The following WDR19 variants were observed in gnomAD, a reference collection of about 807,000 sequenced individuals.
WDR19 encodes the protein WD repeat domain 19.
In WDR19, 121 loss-of-function variants were observed where a neutral mutation model predicts 180.0. The observed-to-expected ratio is 0.67, with a 90% CI of 0.58 to 0.78. The LOEUF is 0.78. WDR19 is among the 30% of genes least tolerant of loss of function. The pLI is 0.00. For synonymous variants in WDR19, 497 were observed against 540.7 expected (o/e 0.92, Z 1.12); for missense variants, 1,450 against 1,640.7 (o/e 0.88, Z 2.01).
chr4:39,206,752 C>T (rs1577876373), intron 9 of WDR19, among the ~76,000 whole-genome samples: 1 of 152,196 alleles, frequency 6.6e-6, no homozygotes, highest in East Asian at 1.9e-4. Context: ...AGGTCTTATA[C>T]TAGCCACTGA....
intron 3 of WDR19, among the ~76,000 whole-genome samples, chr4:39,188,598 G>C (rs1370258167): frequency 1.4e-5 from 2 of 148,062 alleles, no homozygotes; most frequent in East Asian, 3.9e-4. Flanking sequence ...CAGCCTGGGC[G>C]GCAGAGCCAG....
chr4:39,186,703 C>A, intron 3 of WDR19, 99 bp downstream of exon 3: 1 of 805,766 alleles, frequency 1.2e-6, no homozygotes, highest in Non-Finnish European at 1.9e-6. Context: ...GAATCTTTTG[C>A]TTCTTCCATT....
chr4:39,248,000 A>G (rs974724095), intron 24 of WDR19, among the ~76,000 whole-genome samples: 1 of 152,226 alleles, frequency 6.6e-6, no homozygotes, highest in Admixed American at 6.5e-5. Context: ...GGAAATACAG[A>G]GAATGCCACA....
intron 9 of WDR19, among the ~76,000 whole-genome samples, chr4:39,212,500 A>T (rs1728654290): frequency 6.6e-6 from 1 of 152,232 alleles, no homozygotes; most frequent in African/African-American, 2.4e-5. Context: ...TCTGTTAAAG[A>T]TGAAAAGATG....
intron 12 of WDR19, among the ~76,000 whole-genome samples, chr4:39,216,639 A>G (rs1729095731): frequency 6.6e-6 from 1 of 152,148 alleles, no homozygotes; most frequent in Admixed American, 6.5e-5. Flanking sequence ...GCACTCTTAA[A>G]CCTAGTGGGT....
chr4:39,271,754 A>T (rs1179703106), intron 31 of WDR19, among the ~76,000 whole-genome samples: 4 of 152,174 alleles, frequency 2.6e-5, no homozygotes, highest in Non-Finnish European at 5.9e-5. Context: ...CCACAAGAGC[A>T]GTCATGTTAT....
In WDR19 at chr4:39,257,570, A is replaced by G. The variant is rs11096987; in HGVS notation, c.3183+16A>G. On this transcript the variant is annotated intron_variant, in intron 28 of 36. Coordinates refer to ENST00000399820, the MANE Select transcript of WDR19 (RefSeq NM_025132.4). ...AATTGAAACTGTAAGTACGCTTTCA[A>G]TGAAACTTTCAATAATGCCAATTTT... 0.32 allele frequency: 499,910 copies of G among 1,561,466 alleles called. 81,273 individuals are homozygous for G. The highest frequency in any genetic ancestry group is 0.35 in the African/African-American group (25,882 of 73,478).
intron 24 of WDR19, among the ~76,000 whole-genome samples, chr4:39,248,970 C>T (rs1399959883): frequency 2.6e-5 from 4 of 152,118 alleles, no homozygotes; most frequent in Non-Finnish European, 5.9e-5. Context: ...ACAAGGATAT[C>T]CAGGAATTGA....
At chr4:39,276,928 T>C in intron 33 of WDR19, 92 bp from the exon 34 acceptor site, 1 of 1,520,894 alleles carries the variant, frequency 6.6e-7, no homozygotes, top group Non-Finnish European at 9.0e-7. Flanking sequence ...AGGTGTGTCA[T>C]ATGTCCCTGG....
chr4:39,261,144 A>ATTTTTTTT (rs35966394), intron 28 of WDR19, among the ~76,000 whole-genome samples: 2 of 135,196 alleles, frequency 1.5e-5, no homozygotes, highest in African/African-American at 2.8e-5. Flanking sequence ...ACACGCGGCT[A>ATTTTTTTT]TTTTTTTTTT....
intron 6 of WDR19, among the ~76,000 whole-genome samples, chr4:39,201,392 C>T (rs1727365163): frequency 6.6e-6 from 1 of 152,100 alleles, no homozygotes; most frequent in African/African-American, 2.4e-5. Context: ...TCTACCTGCT[C>T]CCAGGAAAGC....
At chr4:39,227,338 C>T (rs1577930791) in intron 15 of WDR19, among the ~76,000 whole-genome samples, 1 of 152,104 alleles carries the variant, frequency 6.6e-6, no homozygotes, top group African/African-American at 2.4e-5. Flanking sequence ...CCTGAGTTCA[C>T]AGGACTTATA....
chr4:39,266,912 C>T (rs543893964), intron 29 of WDR19, among the ~76,000 whole-genome samples: 2 of 152,230 alleles, frequency 1.3e-5, no homozygotes, highest in East Asian at 1.9e-4. Flanking sequence ...GGCGAAACCC[C>T]GTCTCTACAA....
At chr4:39,194,100 G>A (rs575429954) in intron 4 of WDR19, among the ~76,000 whole-genome samples, 16 of 152,244 alleles carry the variant, frequency 1.1e-4, no homozygotes, top group African/African-American at 3.4e-4. Flanking sequence ...TAATGGTGAC[G>A]GAGCTGGAAA....
At chr4:39,204,078 G>GTT (rs368834274) in intron 7 of WDR19, among the ~76,000 whole-genome samples, 84 of 149,048 alleles carry the variant, frequency 5.6e-4, no homozygotes, top group African/African-American at 1.9e-3. Flanking sequence ...TTGTAGGCTT[G>GTT]TTTTTTTTTG....
chr4:39,188,592 C>T (rs1725808975), intron 3 of WDR19, among the ~76,000 whole-genome samples: 1 of 145,844 alleles, frequency 6.9e-6, no homozygotes, highest in African/African-American at 2.6e-5. Flanking sequence ...GCACTCCAGC[C>T]TGGGCGGCAG....
Position 39,194,661 on chromosome 4 carries a change from T to C in WDR19, c.406+2T>C. On this transcript the variant is annotated splice_donor_variant, in intron 5 of 36. Transcript: ENST00000399820. LOFTEE classifies it high-confidence loss of function. ...CATCTCGAAAGATTCCTGTCCTTGG[T>C]AGGTGATAGCTGGAAACACTGCTAA... The C allele has an allele frequency of 6.3e-7, 1 of 1,590,664 alleles. No homozygotes were observed. Among genetic ancestry groups the C allele is most frequent in the African/African-American group, 1.3e-5 (1 of 74,628 alleles).
chr4:39,241,885 T>A (rs534885630), intron 21 of WDR19, among the ~76,000 whole-genome samples: 19 of 151,720 alleles, frequency 1.3e-4, no homozygotes, highest in African/African-American at 4.6e-4. Flanking sequence ...TGTTAATGAT[T>A]TTATATATTT....
rs1030099607 is a variant in WDR19, at chr4:39,268,171, G to T, written c.3358+80G>T. On this transcript the variant is annotated intron_variant, in intron 30 of 36. Coordinates refer to ENST00000399820, the MANE Select transcript of WDR19 (RefSeq NM_025132.4). ...CAGCCCCTTTTCTGTGTAGGAAAGA[G>T]TAGCCCCTACGTTTGTAACATAGGC... The T allele has an allele frequency of 1.2e-5, 15 of 1,251,568 alleles. No homozygotes were observed. In the Admixed American group the frequency reaches 3.3e-4, roughly 28 times the overall value. 77.5% of individuals were successfully genotyped at this position (1,251,568 alleles called of 1,614,324 possible).
Sources: allele counts gnomAD v4.1 joint callset (sites outside exome capture counted in the v4.1 genomes callset), GRCh38; gene constraint gnomAD v4.1.1; transcripts MANE v1.5; gene names NCBI Gene and HGNC (gene_info 2026-07-23, HGNC 2026-07-21).